The following NECTIN1 variants were observed in gnomAD, a reference collection of about 807,000 sequenced individuals.
NECTIN1 encodes the protein nectin cell adhesion molecule 1.
Under a neutral mutation model 48.0 loss-of-function variants are expected in NECTIN1, and 23 were observed. That is an observed-to-expected ratio of 0.48 (90% confidence interval 0.34 to 0.68). NECTIN1 has a LOEUF of 0.68. NECTIN1 is among the 30% of genes least tolerant of loss of function. The probability of loss-of-function intolerance (pLI) is 0.01; values close to 1 mark genes in which losing one functional copy is unlikely to be tolerated. For missense variants in NECTIN1, 591 were observed against 709.9 expected, an observed-to-expected ratio of 0.83 and a Z score of 1.90; for synonymous variants, 270 against 288.9, an observed-to-expected ratio of 0.93 and a Z score of 0.66.
intron 5 of NECTIN1, among the ~76,000 whole-genome samples, chr11:119,651,896 C>T (rs1864496855): frequency 6.6e-6 from 1 of 152,250 alleles, no homozygotes; most frequent in African/African-American, 2.4e-5. Context: ...TTCCATTTGC[C>T]AGGCCCTTTG....
intron 1 of NECTIN1, among the ~76,000 whole-genome samples, chr11:119,691,690 G>A (rs1225155957): frequency 1.3e-5 from 2 of 152,306 alleles, no homozygotes; most frequent in Non-Finnish European, 2.9e-5. Context: ...TAGGACCTAT[G>A]AACAAGTCTC....
rs114741378 is a variant in NECTIN1, at chr11:119,690,415, G to A, written c.80-11650C>T. ...TCACAGACCTCCGAGCTGGGGGGTG[G>A]CAGTCTTTATCCGATGTGCTTCAAT... On this transcript the variant is annotated intron_variant, in intron 1 of 5. Transcript: ENST00000264025. Among the ~76,000 whole-genome samples, 905 of 152,312 alleles carry A rather than the reference G, an allele frequency of 5.9e-3. 12 individuals are homozygous for A. Among genetic ancestry groups the A allele is most frequent in the African/African-American group, 0.021 (860 of 41,570 alleles).
At chr11:119,694,887 C>T (rs1865316143) in intron 1 of NECTIN1, among the ~76,000 whole-genome samples, 1 of 152,152 alleles carries the variant, frequency 6.6e-6, no homozygotes, top group African/African-American at 2.4e-5. Flanking sequence ...CAGCCCTACC[C>T]CTCCCAGGGC....
chr11:119,696,909 C>T (rs879888581), intron 1 of NECTIN1, among the ~76,000 whole-genome samples: 40 of 152,160 alleles, frequency 2.6e-4, no homozygotes, highest in African/African-American at 8.7e-4. Context: ...GAGATAGCCG[C>T]GCGATGTCAC....
chr11:119,669,529 C>G (rs1864833033), intron 5 of NECTIN1, among the ~76,000 whole-genome samples: 1 of 152,182 alleles, frequency 6.6e-6, no homozygotes, highest in African/African-American at 2.4e-5. Context: ...AGCTGCCTAA[C>G]TGCTCCCCTG....
At position 119,662,630 on chromosome 11, in the gene NECTIN1, C is replaced by G; in HGVS notation, c.*2117G>C. The G allele has an allele frequency of 1.0e-6, 1 of 985,542 alleles. No individual in the cohort carries two copies. The highest frequency in any genetic ancestry group is 1.2e-6 in the Non-Finnish European group (1 of 829,966). The allele number at this position is 985,542 out of a possible 1,614,324, so 61.0% of individuals were successfully genotyped here. On this transcript the variant is annotated 3_prime_UTR_variant, in exon 6 of 6. Transcript: ENST00000264025. This position sits in a 1 kb window ranked among gnomAD's most constrained non-coding sequence, Gnocchi z 5.3. ...TCTATCAGGCAGGCCCCTGGGATTG[C>G]CTCCTGCCTGGGGGAAAAGGGGACC...
chr11:119,707,695 AT>A (rs937078171), intron 1 of NECTIN1, among the ~76,000 whole-genome samples: 3 of 151,866 alleles, frequency 2.0e-5, no homozygotes, highest in African/African-American at 7.3e-5. Flanking sequence ...CCTTGCTTTT[AT>A]TTTTTTGGAT....
rs1309218276 is a variant in NECTIN1, at chr11:119,664,749, A to G, written c.1552T>C (p.Ter518GlnextTer9). 6.2e-7 allele frequency: 1 copy of G among 1,609,512 alleles called. No individual in the cohort carries two copies. The highest frequency in any genetic ancestry group is 8.5e-7 in the Non-Finnish European group (1 of 1,177,742). Reference sequence around the variant, plus strand: ...AGACAGAGGCTCTGGAAGGGGGGCTACACGTACCACTCCTTCTTGGAAATG... The same window carrying G: ...AGACAGAGGCTCTGGAAGGGGGGCTGCACGTACCACTCCTTCTTGGAAATG... ...SFISKKEWYV[*>Q] Residue 518 changes from the stop codon to glutamine (Q), a stop_lost, in exon 6 of 6, where the codon TAG becomes CAG. Coordinates refer to ENST00000264025, the MANE Select transcript of NECTIN1 (RefSeq NM_002855.5).
At chr11:119,650,855 A>C (rs961422974) in intron 5 of NECTIN1, among the ~76,000 whole-genome samples, 1 of 152,104 alleles carries the variant, frequency 6.6e-6, no homozygotes, top group Non-Finnish European at 1.5e-5. Flanking sequence ...GCACTTAGGG[A>C]GTGATATTGT....
intron 1 of NECTIN1, among the ~76,000 whole-genome samples, chr11:119,697,339 T>C (rs1424018536): frequency 1.3e-5 from 2 of 152,324 alleles, no homozygotes; most frequent in East Asian, 3.9e-4. Context: ...TCATCTCTGC[T>C]CCAGCCCTGG....
At chr11:119,704,082 G>C (rs1435136201) in intron 1 of NECTIN1, among the ~76,000 whole-genome samples, 1 of 152,152 alleles carries the variant, frequency 6.6e-6, no homozygotes, top group Non-Finnish European at 1.5e-5. Flanking sequence ...CGGGCAAGAA[G>C]CTGCCTCAAA....
intron 5 of NECTIN1, among the ~76,000 whole-genome samples, chr11:119,650,121 TTGAGCCAGGA>T (rs902596324): frequency 1.6e-4 from 25 of 152,218 alleles, no homozygotes; most frequent in African/African-American, 6.0e-4. Context: ...GGGGGAGCTT[TTGAGCCAGGA>T]TGAGCCAGGA....
chr11:119,714,563 G>A (rs894108707), intron 1 of NECTIN1, among the ~76,000 whole-genome samples: 1 of 152,160 alleles, frequency 6.6e-6, no homozygotes, highest in African/African-American at 2.4e-5. Context: ...AGAGGGGAAT[G>A]CTCCACATCC....
At chr11:119,692,076 T>C in intron 1 of NECTIN1, among the ~76,000 whole-genome samples, 1 of 148,640 alleles carries the variant, frequency 6.7e-6, no homozygotes, top group East Asian at 2.0e-4. Flanking sequence ...TCCCCAGTGG[T>C]GTCAGAGTTT....
intron 4 of NECTIN1, 195 bp downstream of exon 4, chr11:119,676,907 A>C (rs1864960523): frequency 1.6e-6 from 1 of 628,994 alleles, no homozygotes; most frequent in East Asian, 2.8e-5. Context: ...TGACCTTGAC[A>C]CTGTCACACA....
intron 1 of NECTIN1, among the ~76,000 whole-genome samples, chr11:119,702,725 G>C (rs1167295287): frequency 6.6e-6 from 1 of 152,180 alleles, no homozygotes; most frequent in Non-Finnish European, 1.5e-5. Context: ...TCCCTCAAAG[G>C]CTGTAGGGAA....
rs753467815 is a variant in NECTIN1, at chr11:119,666,790, C to T, written c.1004-1493G>A. Among the ~76,000 whole-genome samples, 5 of 152,354 alleles carry T rather than the reference C, an allele frequency of 3.3e-5. No individual in the cohort carries two copies. The South Asian group carries it at 8.3e-4, about 25-fold the overall frequency. On this transcript the variant is annotated intron_variant, in intron 5 of 5. Transcript: ENST00000264025. ...ATGCTCCTCCCTGAGCCCACTCCCT[C>T]CTCCTGGGGCGTGTGTGGGGTGCTA...
chr11:119,699,558 G>A (rs1020673005), intron 1 of NECTIN1, among the ~76,000 whole-genome samples: 2 of 152,194 alleles, frequency 1.3e-5, no homozygotes, highest in African/African-American at 4.8e-5. Flanking sequence ...GCTGGGCCTC[G>A]AGGCCTGGCT....
At chr11:119,694,785 C>A (rs7950059) in intron 1 of NECTIN1, among the ~76,000 whole-genome samples, 1 of 151,862 alleles carries the variant, frequency 6.6e-6, no homozygotes, top group African/African-American at 2.4e-5. Context: ...CAATGATACC[C>A]CTGTGCTGAG....
Sources: gnomAD v4.1 joint callset for allele counts (sites outside exome capture counted in the v4.1 genomes callset) on GRCh38, gnomAD v4.1.1 for gene constraint, Gnocchi (gnomAD v3.1) non-coding constraint, MANE v1.5 for transcripts, NCBI Gene and HGNC (gene_info 2026-07-23, HGNC 2026-07-21) for gene names.